THSD4: variants seen among roughly 807,000 people sequenced by gnomAD.
The protein encoded by THSD4 is thrombospondin type 1 domain containing 4, also known as thrombospondin type-1 domain-containing protein 4.
A neutral mutation model predicts 119.0 loss-of-function variants in THSD4; 69 were observed. That is an observed-to-expected ratio of 0.58 (90% CI 0.48 to 0.71). The LOEUF (loss-of-function observed/expected upper bound fraction) is 0.71. Among genes scored for constraint, THSD4 ranks in the 30% least tolerant of loss-of-function variants. The pLI, the probability that THSD4 is intolerant of heterozygous loss-of-function variation, is 0.00. For missense variants in THSD4, 1,393 were observed against 1,391.1 expected, an observed-to-expected ratio of 1.00 and a Z score of -0.02; for synonymous variants, 524 against 540.4, an observed-to-expected ratio of 0.97 and a Z score of 0.42.
intron 7 of THSD4, among the ~76,000 whole-genome samples, chr15:71,549,214 G>A (rs1343615644): frequency 6.6e-6 from 1 of 152,218 alleles, no homozygotes; most frequent in African/African-American, 2.4e-5. Flanking sequence ...TGCTTAACAT[G>A]AATAGCTAGA....
chr15:71,773,222 GAAAAA>G (rs1232620677), intron 17 of THSD4, among the ~76,000 whole-genome samples: 1 of 115,526 alleles, frequency 8.7e-6, no homozygotes, highest in Non-Finnish European at 1.7e-5. Context: ...AAAAGAAAAA[GAAAAA>G]AGAAAAGAAA....
At chr15:71,739,435 G>T (rs1489264298) in intron 11 of THSD4, among the ~76,000 whole-genome samples, 1 of 152,184 alleles carries the variant, frequency 6.6e-6, no homozygotes, top group Non-Finnish European at 1.5e-5. Context: ...ACATGGCAGT[G>T]TTACAGGGGT....
chr15:71,479,060 C>G (rs1043148800), intron 7 of THSD4, among the ~76,000 whole-genome samples: 1 of 148,920 alleles, frequency 6.7e-6, no homozygotes, highest in Non-Finnish European at 1.5e-5. Context: ...ACAGAAACAC[C>G]TGCAGGAAAA....
chr15:71,550,459 C>T (rs1383388286), intron 7 of THSD4, among the ~76,000 whole-genome samples: 1 of 152,148 alleles, frequency 6.6e-6, no homozygotes, highest in Non-Finnish European at 1.5e-5. Flanking sequence ...ATTTTTGAGA[C>T]AGAGTCTTGC....
At chr15:71,441,870 G>C (rs1292545975) in intron 7 of THSD4, among the ~76,000 whole-genome samples, 5 of 152,152 alleles carry the variant, frequency 3.3e-5, no homozygotes, top group Admixed American at 6.5e-5. Flanking sequence ...CAATGAGACG[G>C]TGCATAAAAG....
intron 7 of THSD4, among the ~76,000 whole-genome samples, chr15:71,492,741 C>G (rs1262420404): frequency 2.0e-5 from 3 of 152,096 alleles, no homozygotes; most frequent in East Asian, 3.9e-4. Flanking sequence ...AGCCCAGGGT[C>G]TTTTTCAAAG....
chr15:71,774,791 A>T (rs189379245), intron 17 of THSD4, among the ~76,000 whole-genome samples: 131 of 151,206 alleles, frequency 8.7e-4, no homozygotes, highest in African/African-American at 3.1e-3. Context: ...AAAAAAAAAA[A>T]TAGGGCTTAA....
At chr15:71,694,514 T>G (rs2141058070) in intron 8 of THSD4, among the ~76,000 whole-genome samples, 1 of 152,324 alleles carries the variant, frequency 6.6e-6, no homozygotes, top group African/African-American at 2.4e-5. Flanking sequence ...TTCATTTCTG[T>G]GTATAGTTTA....
intron 6 of THSD4, chr15:71,341,604 T>G: frequency 6.3e-7 from 1 of 1,591,812 alleles, no homozygotes; most frequent in South Asian, 1.1e-5. Context: ...TGCATACCCT[T>G]GATGGCCTGA....
At chr15:71,650,518 C>T (rs1375309931) in intron 7 of THSD4, among the ~76,000 whole-genome samples, 4 of 152,130 alleles carry the variant, frequency 2.6e-5, no homozygotes, top group African/African-American at 4.8e-5. Context: ...AGATTCTCCC[C>T]GGGGGCCTGA....
At chr15:71,477,986 C>T (rs1207443516) in intron 7 of THSD4, among the ~76,000 whole-genome samples, 4 of 152,222 alleles carry the variant, frequency 2.6e-5, no homozygotes, top group African/African-American at 7.2e-5. Context: ...TGTGCTCAAG[C>T]CCCAAGGCTT....
intron 7 of THSD4, among the ~76,000 whole-genome samples, chr15:71,516,427 C>G (rs1230682346): frequency 2.0e-5 from 3 of 152,144 alleles, no homozygotes; most frequent in Non-Finnish European, 2.9e-5. Context: ...CTTGGCAGAT[C>G]TTCATAGTCT....
chr15:71,628,574 A>G (rs1389739571), intron 7 of THSD4, among the ~76,000 whole-genome samples: 1 of 152,198 alleles, frequency 6.6e-6, no homozygotes, highest in Non-Finnish European at 1.5e-5. Context: ...TAAAATGCAG[A>G]TTCCTCTTCA....
At position 71,141,444 on chromosome 15, in the gene THSD4, C is replaced by T; in HGVS notation, c.-79-5C>T. The T allele has an allele frequency of 7.2e-7, 1 of 1,383,238 alleles. No homozygotes were observed. Among genetic ancestry groups the T allele is most frequent in the East Asian group, 2.4e-5 (1 of 41,698 alleles). 85.7% of individuals were successfully genotyped at this position (1,383,238 alleles called of 1,614,324 possible). A position where few individuals can be genotyped will look rare whatever the true frequency, so the allele number is the denominator to read the frequency against. On this transcript the variant is annotated splice_region_variant and splice_polypyrimidine_tract_variant and intron_variant, in intron 1 of 17. Coordinates refer to ENST00000261862, the MANE Select transcript of THSD4 (RefSeq NM_024817.3). The stretch of plus-strand genomic sequence containing the variant: ...TGCTAAAAATAACATTGTTCATTTC[C>T]ATAGGACTTGAACGCAACTCCCAAT...
chr15:71,112,630 G>C (rs997815551), upstream of THSD4, among the ~76,000 whole-genome samples: 41 of 152,188 alleles, frequency 2.7e-4, no homozygotes, highest in African/African-American at 9.2e-4. Context: ...TGACATGCCA[G>C]GCAGGCCCCC....
chr15:71,547,299 G>A (rs1044477663), intron 7 of THSD4: 24 of 1,510,714 alleles, frequency 1.6e-5, no homozygotes, highest in Non-Finnish European at 2.0e-5. Flanking sequence ...GAACCAGCGC[G>A]GTGCCTAGCG....
At chr15:71,344,554 C>G (rs957323407) in intron 6 of THSD4, among the ~76,000 whole-genome samples, 5 of 152,144 alleles carry the variant, frequency 3.3e-5, no homozygotes, top group Non-Finnish European at 7.4e-5. Flanking sequence ...GCCTGTTCCA[C>G]AGACCTCACA....
At chr15:71,364,326 C>G (rs1228159446) in intron 6 of THSD4, among the ~76,000 whole-genome samples, 1 of 152,176 alleles carries the variant, frequency 6.6e-6, no homozygotes, top group African/African-American at 2.4e-5. Flanking sequence ...GATGAACTGC[C>G]TCAGAGGCCA....
At chr15:71,705,443 C>T (rs1358739264) in intron 8 of THSD4, among the ~76,000 whole-genome samples, 1 of 152,196 alleles carries the variant, frequency 6.6e-6, no homozygotes, top group Non-Finnish European at 1.5e-5. Flanking sequence ...AGGGAAGTGT[C>T]TCCTCTAACC....
Sources: allele counts gnomAD v4.1 joint callset (sites outside exome capture counted in the v4.1 genomes callset), GRCh38; gene constraint gnomAD v4.1.1; transcripts MANE v1.5; gene names NCBI Gene and HGNC (gene_info 2026-07-23, HGNC 2026-07-21).